The following PDGFRL variants were observed in gnomAD, a reference collection of about 807,000 sequenced individuals.
The protein encoded by PDGFRL is platelet derived growth factor receptor like, also known as platelet-derived growth factor receptor-like protein.
Under a neutral mutation model 37.2 loss-of-function variants are expected in PDGFRL, and 46 were observed. The ratio of observed to expected loss-of-function variants is 1.24; its 90% CI spans 0.98 to 1.58. The LOEUF is 1.58. Ranked by LOEUF, PDGFRL falls within the 40% of genes most tolerant of loss-of-function variation. PDGFRL has a pLI of 0.00. For synonymous variants in PDGFRL, 251 were observed against 184.3 expected, an observed-to-expected ratio of 1.36 and a Z score of -2.93; for missense variants, 692 against 467.6, an observed-to-expected ratio of 1.48 and a Z score of -4.43.
chr8:17,577,516 G>A lies in PDGFRL; in HGVS notation c.55+209G>A, dbSNP rs116797789. 7.8e-3 allele frequency among the ~76,000 whole-genome samples: 1,188 copies of A among 152,060 alleles called. 23 individuals are homozygous for A. Among genetic ancestry groups the A allele is most frequent in the African/African-American group, 0.027 (1,110 of 41,470 alleles). ...TGCCTGCCCGGAGAGCCCTCTAGGG[G>A]TGGTGGCAGCTACCCCGACCCTTAG... On this transcript the variant is annotated intron_variant, in intron 1 of 5. Transcript: ENST00000251630.
Position 17,589,530 on chromosome 8 carries a change from C to T in PDGFRL, c.118C>T (p.Pro40Ser), listed in dbSNP as rs750733774. 1.9e-6 allele frequency: 3 copies of T among 1,613,820 alleles called. No individual in the cohort carries two copies. The highest frequency in any genetic ancestry group is 2.5e-6 in the Non-Finnish European group (3 of 1,179,722). Residue 40 changes from proline to serine, a missense_variant, in exon 2 of 6, where the codon CCT becomes TCT. Physicochemically the swap from Pro to Ser is moderately conservative, Grantham distance 74. Coordinates refer to ENST00000251630, the MANE Select transcript of PDGFRL (RefSeq NM_001372073.1). ...AGAACCAGGAGAGAATAGAATCAAA[C>T]CTACCAACAAGAAGGTGAAGCCCAA... ...PKEPGENRIKPTNKKVKPKIP... is the reference protein window; with the variant it reads ...PKEPGENRIKSTNKKVKPKIP...
intron 3 of PDGFRL, 75 bp downstream of exon 3, chr8:17,621,277 A>G: frequency 1.1e-6 from 1 of 934,182 alleles, no homozygotes; most frequent in South Asian, 1.8e-5. Context: ...CCCCCACTGC[A>G]TGCTGAATAG....
intron 2 of PDGFRL, among the ~76,000 whole-genome samples, chr8:17,615,574 C>G (rs139893349): frequency 2.6e-5 from 4 of 152,122 alleles, no homozygotes; most frequent in African/African-American, 9.7e-5. Flanking sequence ...GTACCTCCAA[C>G]TTAATGTAGC....
chr8:17,639,370 C>T (rs1004800738), intron 5 of PDGFRL, among the ~76,000 whole-genome samples: 1 of 151,854 alleles, frequency 6.6e-6, no homozygotes, highest in Non-Finnish European at 1.5e-5. Context: ...TTTTATAGGT[C>T]CTATGAGATT....
At chr8:17,622,680 G>A (rs762412675) in intron 3 of PDGFRL, among the ~76,000 whole-genome samples, 12 of 152,154 alleles carry the variant, frequency 7.9e-5, no homozygotes, top group Non-Finnish European at 1.6e-4. Flanking sequence ...AAAAGAGTGC[G>A]TGGAGTAGAA....
At chr8:17,599,847 G>A (rs1804130313) in intron 2 of PDGFRL, among the ~76,000 whole-genome samples, 1 of 152,070 alleles carries the variant, frequency 6.6e-6, no homozygotes, top group Admixed American at 6.5e-5. Context: ...AGAAGGATGA[G>A]GATTTTCCCT....
At chr8:17,642,553 G>A in intron 5 of PDGFRL, 60 bp from the exon 6 acceptor site, 1 of 994,604 alleles carries the variant, frequency 1.0e-6, no homozygotes, top group Non-Finnish European at 1.6e-6. Context: ...TTGGGTGAGT[G>A]GGAGCTCTTT....
intron 1 of PDGFRL, among the ~76,000 whole-genome samples, chr8:17,580,753 A>T (rs1803688483): frequency 6.6e-6 from 1 of 152,180 alleles, no homozygotes; most frequent in Non-Finnish European, 1.5e-5. Flanking sequence ...CACAGTCCAG[A>T]GGCTTGTAGT....
At chr8:17,623,277 A>G (rs944052094) in intron 3 of PDGFRL, among the ~76,000 whole-genome samples, 6 of 152,202 alleles carry the variant, frequency 3.9e-5, no homozygotes, top group Admixed American at 3.3e-4. Context: ...TCTAGCTAGC[A>G]TAACTGGTGT....
intron 2 of PDGFRL, among the ~76,000 whole-genome samples, chr8:17,610,164 T>C (rs944723853): frequency 6.6e-6 from 1 of 152,198 alleles, no homozygotes; most frequent in Non-Finnish European, 1.5e-5. Context: ...TTGTCCTCTG[T>C]CCTCACTCAT....
At position 17,634,164 on chromosome 8, in the gene PDGFRL, G is replaced by A. The variant is rs747352171; in HGVS notation, c.890G>A (p.Gly297Glu). 6.2e-7 allele frequency: 1 copy of A among 1,613,464 alleles called. No individual in the cohort carries two copies. The highest frequency in any genetic ancestry group is 1.3e-5 in the African/African-American group (1 of 74,908). ...ATCAGTGTGCTCTGCACTGTCCTGG[G>A]GGAGCCCGATGTGGAGGTGGAGTTC... ...DDISVLCTVL[G>E]EPDVEVEFTW... is the part of the protein sequence containing the mutation. Residue 297 changes from glycine (G) to glutamate (E), a missense_variant, in exon 5 of 6, where the codon GGG (glycine) becomes GAG (glutamate). Physicochemically the swap from Gly to Glu is moderately conservative, Grantham distance 98. Coordinates refer to ENST00000251630, the MANE Select transcript of PDGFRL (RefSeq NM_001372073.1).
chr8:17,583,354 G>A (rs1470808004), intron 1 of PDGFRL, among the ~76,000 whole-genome samples: 4 of 152,176 alleles, frequency 2.6e-5, no homozygotes, highest in African/African-American at 9.7e-5. Context: ...TGTCAGATCA[G>A]CCATGTGGGC....
intron 2 of PDGFRL, among the ~76,000 whole-genome samples, chr8:17,593,015 C>G (rs2517150): frequency 0.02 from 2,978 of 152,158 alleles, 71 homozygotes; most frequent in African/African-American, 0.051. Flanking sequence ...AAACTGTCTA[C>G]TTATCTCTCT....
intron 5 of PDGFRL, among the ~76,000 whole-genome samples, chr8:17,639,921 AG>A (rs904740049): frequency 8.1e-4 from 124 of 152,266 alleles, no homozygotes; most frequent in African/African-American, 2.9e-3. Flanking sequence ...AATTATTCTT[AG>A]GTTTGTTTGT....
chr8:17,588,707 C>T (rs1268279704), intron 1 of PDGFRL, among the ~76,000 whole-genome samples: 4 of 152,076 alleles, frequency 2.6e-5, no homozygotes, highest in Non-Finnish European at 5.9e-5. Flanking sequence ...CGTGCACTTT[C>T]AGCACAGTTT....
intron 2 of PDGFRL, among the ~76,000 whole-genome samples, chr8:17,618,130 C>T (rs1421879661): frequency 6.6e-6 from 1 of 152,072 alleles, no homozygotes; most frequent in Non-Finnish European, 1.5e-5. Context: ...GGAATCATAG[C>T]TCATTGCAGC....
At chr8:17,620,127 T>A (rs1804601952) in intron 2 of PDGFRL, among the ~76,000 whole-genome samples, 1 of 152,174 alleles carries the variant, frequency 6.6e-6, no homozygotes, top group Middle Eastern at 3.2e-3. Flanking sequence ...CATGCCAGGC[T>A]CATTGTTTAA....
intron 2 of PDGFRL, among the ~76,000 whole-genome samples, chr8:17,605,382 C>T (rs532269716): frequency 6.6e-6 from 1 of 152,070 alleles, no homozygotes; most frequent in African/African-American, 2.4e-5. Flanking sequence ...TTTTTTCTTG[C>T]ATTTTGTTGA....
chr8:17,579,023 C>T (rs913980282), intron 1 of PDGFRL, among the ~76,000 whole-genome samples: 1 of 152,034 alleles, frequency 6.6e-6, no homozygotes, highest in African/African-American at 2.4e-5. Flanking sequence ...GATGGTGAAA[C>T]CCCGTCTCTA....
Sources: allele counts gnomAD v4.1 joint callset (sites outside exome capture counted in the v4.1 genomes callset), GRCh38; gene constraint gnomAD v4.1.1; transcripts MANE v1.5; gene names NCBI Gene and HGNC (gene_info 2026-07-23, HGNC 2026-07-21).